The following DYNC1I1 variants were observed in gnomAD, a reference collection of about 807,000 sequenced individuals.
DYNC1I1 encodes the protein dynein cytoplasmic 1 intermediate chain 1.
A neutral mutation model predicts 86.6 loss-of-function variants in DYNC1I1; 43 were observed. That is an observed-to-expected ratio of 0.50 (90% confidence interval 0.39 to 0.64). The LOEUF is 0.64. Among genes scored for constraint, DYNC1I1 ranks in the 30% least tolerant of loss-of-function variants. The pLI, the probability that DYNC1I1 is intolerant of heterozygous loss-of-function variation, is 0.00. For missense variants in DYNC1I1, 604 were observed against 788.8 expected, an observed-to-expected ratio of 0.77 and a Z score of 2.81; for synonymous variants, 262 against 283.7, an observed-to-expected ratio of 0.92 and a Z score of 0.77.
At chr7:96,079,594 T>G (rs1790449662) in intron 15 of DYNC1I1, among the ~76,000 whole-genome samples, 1 of 152,162 alleles carries the variant, frequency 6.6e-6, no homozygotes, top group Non-Finnish European at 1.5e-5. Context: ...TTATTATTAT[T>G]GTTATAATTA....
At chr7:95,851,528 T>C (rs996104831) in intron 5 of DYNC1I1, among the ~76,000 whole-genome samples, 1 of 152,238 alleles carries the variant, frequency 6.6e-6, no homozygotes, top group African/African-American at 2.4e-5. Flanking sequence ...TGATTTGCGT[T>C]CATGGGACTA....
intron 6 of DYNC1I1, among the ~76,000 whole-genome samples, chr7:95,936,956 T>A (rs60037047): frequency 0.017 from 2,220 of 134,188 alleles, 49 homozygotes; most frequent in African/African-American, 0.051. Flanking sequence ...AGAATATGTC[T>A]CACACACACA....
rs1018546153 is a variant in DYNC1I1, at chr7:95,903,030, T to G, written c.490+33032T>G. On this transcript the variant is annotated intron_variant, in intron 6 of 16. Coordinates refer to ENST00000447467, the MANE Select transcript of DYNC1I1 (RefSeq NM_001135556.2). ...ACATCATTAATTTAGTTGAGCCTTG[T>G]GCAATTGTTAATGGGCATGAGATAG... is the stretch of plus-strand genomic sequence containing the variant. 2.0e-5 allele frequency among the ~76,000 whole-genome samples: 3 copies of G among 152,296 alleles called. No homozygotes were observed. The South Asian group carries it at 6.2e-4, about 32-fold the overall frequency.
chr7:95,792,842 TA>T lies in DYNC1I1; in HGVS notation c.-9-11876del, dbSNP rs1356218935. 2.0e-5 allele frequency among the ~76,000 whole-genome samples: 3 copies of T among 151,906 alleles called. No homozygotes were observed. In the East Asian group the frequency reaches 5.9e-4, roughly 30 times the overall value. ...GAAAGATGAATAGGGGGCATCAGGT[TA>T]AACATGGTGAGAATAACATTTCTGG... On this transcript the variant is annotated intron_variant, in intron 1 of 16. Transcript: ENST00000447467.
chr7:95,893,737 A>C (rs1169938309), intron 6 of DYNC1I1, among the ~76,000 whole-genome samples: 1 of 152,218 alleles, frequency 6.6e-6, no homozygotes, highest in Non-Finnish European at 1.5e-5. Context: ...GCCAGACTCA[A>C]AAGGTTTGTT....
intron 1 of DYNC1I1, among the ~76,000 whole-genome samples, chr7:95,785,842 G>T (rs1309596906): frequency 1.4e-5 from 2 of 142,610 alleles, no homozygotes. Flanking sequence ...ATGAGGAACA[G>T]AAAATGGAGA....
At chr7:96,033,565 A>G (rs541486767) in intron 12 of DYNC1I1, among the ~76,000 whole-genome samples, 104 of 152,350 alleles carry the variant, frequency 6.8e-4, no homozygotes, top group African/African-American at 2.3e-3. Context: ...TCATTGTTAT[A>G]GACTTTGACA....
At chr7:95,836,689 T>A (rs1379102810) in intron 5 of DYNC1I1, among the ~76,000 whole-genome samples, 4 of 152,078 alleles carry the variant, frequency 2.6e-5, no homozygotes, top group Non-Finnish European at 5.9e-5. Context: ...TTTTCTCTAA[T>A]CTTCCCTTCT....
intron 13 of DYNC1I1, among the ~76,000 whole-genome samples, chr7:96,036,359 A>G (rs1794926928): frequency 6.6e-6 from 1 of 152,206 alleles, no homozygotes; most frequent in Non-Finnish European, 1.5e-5. Context: ...AACAAGACAG[A>G]CCTAGAGTTC....
At chr7:95,960,938 C>T (rs1332941523) in intron 6 of DYNC1I1, among the ~76,000 whole-genome samples, 2 of 152,186 alleles carry the variant, frequency 1.3e-5, no homozygotes, top group Admixed American at 6.6e-5. Flanking sequence ...TAAACGTCTC[C>T]GCCAAGCATG....
intron 16 of DYNC1I1, among the ~76,000 whole-genome samples, chr7:96,108,554 C>T (rs1290562688): frequency 2.0e-5 from 3 of 151,810 alleles, no homozygotes; most frequent in Non-Finnish European, 4.4e-5. Flanking sequence ...GTGAAGTCAC[C>T]TAGGCTTGGA....
intron 4 of DYNC1I1, among the ~76,000 whole-genome samples, chr7:95,822,696 G>A (rs1276124774): frequency 6.6e-6 from 1 of 152,146 alleles, no homozygotes; most frequent in Non-Finnish European, 1.5e-5. Context: ...CACCTAGACA[G>A]AACCTCAGAA....
chr7:96,013,337 T>A (rs762297507), intron 10 of DYNC1I1, among the ~76,000 whole-genome samples: 1 of 152,172 alleles, frequency 6.6e-6, no homozygotes, highest in Non-Finnish European at 1.5e-5. Context: ...CCCTTTACCC[T>A]CCAAAAAGAA....
intron 5 of DYNC1I1, among the ~76,000 whole-genome samples, chr7:95,867,273 C>T (rs2116152657): frequency 6.6e-6 from 1 of 152,274 alleles, no homozygotes; most frequent in East Asian, 1.9e-4. Flanking sequence ...TAAAGTAGAG[C>T]TGCTTGAGCC....
chr7:95,811,524 G>A (rs920965907), intron 3 of DYNC1I1, among the ~76,000 whole-genome samples: 2 of 151,864 alleles, frequency 1.3e-5, no homozygotes, highest in African/African-American at 2.4e-5. Context: ...ATAAGAAAAA[G>A]AACAATATAT....
At chr7:95,860,938 G>A (rs960899833) in intron 5 of DYNC1I1, among the ~76,000 whole-genome samples, 3 of 151,978 alleles carry the variant, frequency 2.0e-5, no homozygotes, top group African/African-American at 7.3e-5. Context: ...ACTACAATTG[G>A]GGTTTTCAAT....
At chr7:95,878,638 T>C (rs1486199266) in intron 6 of DYNC1I1, among the ~76,000 whole-genome samples, 1 of 151,992 alleles carries the variant, frequency 6.6e-6, no homozygotes, top group Admixed American at 6.6e-5. Flanking sequence ...GCCAGAAGGA[T>C]AGATCAAAGA....
At chr7:95,859,298 G>A (rs897220445) in intron 5 of DYNC1I1, among the ~76,000 whole-genome samples, 4 of 151,790 alleles carry the variant, frequency 2.6e-5, no homozygotes, top group African/African-American at 9.7e-5. Context: ...TCTTTGTCAG[G>A]CAGTTCATAT....
At chr7:95,883,165 A>C (rs1035301481) in intron 6 of DYNC1I1, among the ~76,000 whole-genome samples, 7 of 152,210 alleles carry the variant, frequency 4.6e-5, no homozygotes, top group African/African-American at 1.7e-4. Flanking sequence ...CCATGGTTTG[A>C]GGCTGGTAAC....
Sources: gnomAD v4.1 joint callset for allele counts (sites outside exome capture counted in the v4.1 genomes callset) on GRCh38, gnomAD v4.1.1 for gene constraint, MANE v1.5 for transcripts, NCBI Gene and HGNC (gene_info 2026-07-23, HGNC 2026-07-21) for gene names.